IL1RAPL2: variants seen among roughly 807,000 people sequenced by gnomAD.
IL1RAPL2 encodes the protein X-linked interleukin-1 receptor accessory protein-like 2.
In IL1RAPL2, 3 loss-of-function variants were observed where a neutral mutation model predicts 44.1. The ratio of observed to expected loss-of-function variants is 0.07; its 90% CI spans 0.03 to 0.18. The LOEUF (loss-of-function observed/expected upper bound fraction) is 0.18. Among genes scored for constraint, IL1RAPL2 ranks in the 10% least tolerant of loss-of-function variants. IL1RAPL2 has a pLI of 1.00. For missense variants in IL1RAPL2, 391 were observed against 496.4 expected (o/e 0.79, Z 2.02); for synonymous variants, 181 against 178.8 (o/e 1.01, Z -0.10).
intron 6 of IL1RAPL2, among the ~76,000 whole-genome samples, chrX:105,484,780 C>T (rs893247635): frequency 1.8e-5 from 2 of 110,921 alleles, no homozygotes; most frequent in East Asian, 2.8e-4. Flanking sequence ...GCTTCGGTTT[C>T]GCCTTTAAAA....
chrX:105,455,416 A>G (rs1487955434), intron 5 of IL1RAPL2, among the ~76,000 whole-genome samples: 1 of 111,799 alleles, frequency 8.9e-6, no homozygotes, highest in African/African-American at 3.3e-5. Context: ...CTAAGATGGT[A>G]TTGCCTAGGT....
intron 3 of IL1RAPL2, among the ~76,000 whole-genome samples, chrX:105,227,841 A>G (rs1357296484): frequency 8.9e-6 from 1 of 112,338 alleles, no homozygotes; most frequent in Non-Finnish European, 1.9e-5. Context: ...TGCAATTTAA[A>G]CTTTTTTAAA....
chrX:105,209,985 T>TG (rs1260416582), intron 3 of IL1RAPL2, among the ~76,000 whole-genome samples: 2 of 110,462 alleles, frequency 1.8e-5, no homozygotes, highest in Non-Finnish European at 3.8e-5. Context: ...ACCCCAATCG[T>TG]GTTTTTTATG....
At chrX:105,215,054 A>G (rs782007088) in intron 3 of IL1RAPL2, among the ~76,000 whole-genome samples, 2 of 112,303 alleles carry the variant, frequency 1.8e-5, no homozygotes, top group African/African-American at 6.5e-5. Context: ...TAAAAGAACT[A>G]GAGAAGCAAG....
intron 6 of IL1RAPL2, among the ~76,000 whole-genome samples, chrX:105,529,476 T>A (rs984223253): frequency 9.0e-6 from 1 of 111,145 alleles, no homozygotes; most frequent in Admixed American, 9.6e-5. Context: ...TATTCTTATA[T>A]GAAAAGGAAT....
At chrX:104,777,527 G>A (rs1932736915) in intron 2 of IL1RAPL2, among the ~76,000 whole-genome samples, 1 of 101,863 alleles carries the variant, frequency 9.8e-6, no homozygotes, top group Non-Finnish European at 2.0e-5. Flanking sequence ...ATATCTCTTT[G>A]AGACTCTGCT....
intron 2 of IL1RAPL2, among the ~76,000 whole-genome samples, chrX:104,713,774 G>A (rs1045498544): frequency 3.6e-5 from 4 of 110,506 alleles, no homozygotes; most frequent in Non-Finnish European, 7.6e-5. Flanking sequence ...TCCATATAGT[G>A]ACTCAGGGGC....
intron 5 of IL1RAPL2, among the ~76,000 whole-genome samples, chrX:105,448,450 C>T (rs888250837): frequency 1.4e-4 from 15 of 109,167 alleles, no homozygotes; most frequent in East Asian, 2.9e-4. Context: ...CTGCAATCTC[C>T]GCCTCCCGGG....
At chrX:104,677,073 A>G (rs1167437508) in intron 2 of IL1RAPL2, among the ~76,000 whole-genome samples, 1 of 111,656 alleles carries the variant, frequency 9.0e-6, no homozygotes, top group Non-Finnish European at 1.9e-5. Flanking sequence ...AAATTTGATC[A>G]TCTGAAGCCT....
chrX:105,104,416 A>G (rs1194290979), intron 2 of IL1RAPL2, among the ~76,000 whole-genome samples: 1 of 111,892 alleles, frequency 8.9e-6, no homozygotes, highest in Admixed American at 9.6e-5. Flanking sequence ...TTTAAAAAAC[A>G]TAAGAATTGG....
intron 2 of IL1RAPL2, among the ~76,000 whole-genome samples, chrX:104,840,189 A>G (rs768670510): frequency 8.9e-6 from 1 of 111,757 alleles, no homozygotes; most frequent in East Asian, 2.8e-4. Context: ...CAAGTTTCTG[A>G]TGTGGGTATT....
chrX:105,159,986 C>A (rs1029191867), intron 2 of IL1RAPL2, among the ~76,000 whole-genome samples: 43 of 98,059 alleles, frequency 4.4e-4, no homozygotes, highest in African/African-American at 1.5e-3. Flanking sequence ...TAAAGAACCC[C>A]CCCCCCCACT....
chrX:104,915,171 C>G (rs1924378118), intron 2 of IL1RAPL2, among the ~76,000 whole-genome samples: 1 of 111,446 alleles, frequency 9.0e-6, no homozygotes, highest in Admixed American at 9.5e-5. Flanking sequence ...AACTAGTTTA[C>G]AGTCCCACCA....
chrX:105,448,946 C>A (rs999666484), intron 5 of IL1RAPL2, among the ~76,000 whole-genome samples: 6 of 111,066 alleles, frequency 5.4e-5, no homozygotes, highest in African/African-American at 2.0e-4. Flanking sequence ...TTCTGAATTC[C>A]TTATCTGTGT....
intron 5 of IL1RAPL2, among the ~76,000 whole-genome samples, chrX:105,341,235 C>T (rs7053099): frequency 9.0e-6 from 1 of 111,217 alleles, no homozygotes; most frequent in Non-Finnish European, 1.9e-5. Context: ...CAGTCTAAAT[C>T]AAGAATATAT....
intron 2 of IL1RAPL2, among the ~76,000 whole-genome samples, chrX:104,988,563 A>T (rs2147730741): frequency 8.9e-6 from 1 of 112,201 alleles, no homozygotes; most frequent in African/African-American, 3.2e-5. Context: ...TTAGCACATG[A>T]TACCTACTCT....
intron 1 of IL1RAPL2, among the ~76,000 whole-genome samples, chrX:104,594,264 G>A (rs768633634): frequency 3.4e-4 from 38 of 112,021 alleles, no homozygotes; most frequent in Non-Finnish European, 5.6e-5. Context: ...TCAGAATTAT[G>A]GTTACATTGG....
At chrX:105,500,286 G>T (rs1348820379) in intron 6 of IL1RAPL2, among the ~76,000 whole-genome samples, 5 of 109,316 alleles carry the variant, frequency 4.6e-5, no homozygotes, top group Non-Finnish European at 5.7e-5. Flanking sequence ...TAATAATACT[G>T]TATACTTACA....
chrX:104,968,308 A>G (rs1254831859), intron 2 of IL1RAPL2, among the ~76,000 whole-genome samples: 2 of 111,881 alleles, frequency 1.8e-5, no homozygotes, highest in African/African-American at 6.5e-5. Context: ...ATATACAGTA[A>G]AAACATTTGC....
Sources: allele counts gnomAD v4.1 joint callset (sites outside exome capture counted in the v4.1 genomes callset), GRCh38; gene constraint gnomAD v4.1.1; transcripts MANE v1.5; gene names NCBI Gene and HGNC (gene_info 2026-07-23, HGNC 2026-07-21).